RASAL2: variants seen among roughly 807,000 people sequenced by gnomAD.
RASAL2 encodes RAS protein activator like 2, also known as ras GTPase-activating protein nGAP.
In RASAL2, 58 loss-of-function variants were observed where a neutral mutation model predicts 128.9. The ratio of observed to expected loss-of-function variants is 0.45; its 90% CI spans 0.36 to 0.56. The LOEUF (loss-of-function observed/expected upper bound fraction) is 0.56, where lower values mean the gene tolerates loss of function less well. Ranked by LOEUF, RASAL2 falls within the 20% of genes least tolerant of loss-of-function variation. RASAL2 has a pLI of 0.00. For missense variants in RASAL2, 1,360 were observed against 1,601.6 expected, an observed-to-expected ratio of 0.85 and a Z score of 2.57; for synonymous variants, 561 against 580.8, an observed-to-expected ratio of 0.97 and a Z score of 0.49.
intron 4 of RASAL2, among the ~76,000 whole-genome samples, chr1:178,395,929 C>CT (rs1410421987): frequency 1.3e-5 from 2 of 151,268 alleles, no homozygotes; most frequent in East Asian, 3.9e-4. Context: ...TTAACTATAT[C>CT]TTTAAGTCAT....
intron 1 of RASAL2, among the ~76,000 whole-genome samples, chr1:178,144,611 A>G (rs1169039941): frequency 1.3e-5 from 2 of 152,106 alleles, no homozygotes; most frequent in Non-Finnish European, 2.9e-5. Context: ...TTATTTAAGT[A>G]TTTTTGACAT....
At chr1:178,385,095 T>C (rs1355831906) in intron 3 of RASAL2, among the ~76,000 whole-genome samples, 2 of 152,220 alleles carry the variant, frequency 1.3e-5, no homozygotes, top group Non-Finnish European at 1.5e-5. Context: ...TTCACTTTAC[T>C]CTCTTTCCAA....
chr1:178,103,175 C>T (rs1658967642), intron 1 of RASAL2, among the ~76,000 whole-genome samples: 1 of 152,036 alleles, frequency 6.6e-6, no homozygotes, highest in African/African-American at 2.4e-5. Context: ...GAGATTGCTT[C>T]TTCTTTCTTC....
chr1:178,346,844 T>C (rs1670182373), intron 3 of RASAL2, among the ~76,000 whole-genome samples: 2 of 152,190 alleles, frequency 1.3e-5, no homozygotes, highest in South Asian at 4.1e-4. Flanking sequence ...GTCTCCCTTG[T>C]AAACATTTTT....
At chr1:178,442,140 C>A (rs1262438790) in intron 7 of RASAL2, among the ~76,000 whole-genome samples, 1 of 152,076 alleles carries the variant, frequency 6.6e-6, no homozygotes, top group East Asian at 1.9e-4. Flanking sequence ...CCCACCAGGC[C>A]CCACCTCTAG....
Position 178,225,785 on chromosome 1 carries a change from T to C in RASAL2, c.203-57779T>C, listed in dbSNP as rs555509142. 2.0e-5 allele frequency among the ~76,000 whole-genome samples: 3 copies of C among 151,328 alleles called. 1 individual carries two copies. Among genetic ancestry groups the C allele is most frequent in the South Asian group, 4.2e-4 (2 of 4,800 alleles). On this transcript the variant is annotated intron_variant, in intron 1 of 17. Coordinates refer to ENST00000367649, the MANE Select transcript of RASAL2 (RefSeq NM_170692.4). ...CATACATATATATATATATATATCC[T>C]GTATATATGTATATGCTAACTCATA...
chr1:178,430,529 A>C (rs1675814841), intron 5 of RASAL2, among the ~76,000 whole-genome samples: 1 of 152,108 alleles, frequency 6.6e-6, no homozygotes, highest in Non-Finnish European at 1.5e-5. Context: ...AAATGAACTA[A>C]TGCATGTCAT....
intron 1 of RASAL2, among the ~76,000 whole-genome samples, chr1:178,118,133 A>T (rs1659579895): frequency 6.6e-6 from 1 of 151,740 alleles, no homozygotes; most frequent in Non-Finnish European, 1.5e-5. Flanking sequence ...ATTGCACTCC[A>T]GCCTGAGCAG....
intron 1 of RASAL2, among the ~76,000 whole-genome samples, chr1:178,254,511 A>C (rs922196095): frequency 2.0e-5 from 3 of 152,218 alleles, no homozygotes; most frequent in Admixed American, 2.0e-4. Context: ...GCATACAATA[A>C]ATGAAGAAAA....
At chr1:178,278,752 C>T (rs937592533) in intron 1 of RASAL2, among the ~76,000 whole-genome samples, 5 of 152,136 alleles carry the variant, frequency 3.3e-5, no homozygotes, top group Non-Finnish European at 7.3e-5. Flanking sequence ...ATTTTTGAGG[C>T]ACTTTTCCTA....
At chr1:178,266,437 T>A (rs1371160328) in intron 1 of RASAL2, among the ~76,000 whole-genome samples, 1 of 152,212 alleles carries the variant, frequency 6.6e-6, no homozygotes, top group African/African-American at 2.4e-5. Flanking sequence ...CCCTTGTTTC[T>A]TTTTTCTCAT....
chr1:178,372,215 G>C, intron 3 of RASAL2: 1 of 985,270 alleles, frequency 1.0e-6, no homozygotes. Flanking sequence ...ATTGTGCTCT[G>C]TATGGAAAAG....
At chr1:178,430,547 C>CA (rs1341941805) in intron 5 of RASAL2, among the ~76,000 whole-genome samples, 3 of 151,876 alleles carry the variant, frequency 2.0e-5, no homozygotes, top group Non-Finnish European at 4.4e-5. Flanking sequence ...CATATCACTG[C>CA]AAAAAAAGCT....
chr1:178,404,357 T>C (rs751890546), intron 4 of RASAL2, among the ~76,000 whole-genome samples: 2 of 148,372 alleles, frequency 1.3e-5, no homozygotes, highest in Non-Finnish European at 2.9e-5. Flanking sequence ...AATTCACTTA[T>C]AATCAGACAA....
At chr1:178,187,269 A>G (rs945558868) in intron 1 of RASAL2, among the ~76,000 whole-genome samples, 8 of 151,912 alleles carry the variant, frequency 5.3e-5, no homozygotes, top group Admixed American at 3.3e-4. Context: ...TTAGATTGCC[A>G]TATCTTATTG....
At chr1:178,195,996 G>C (rs557674768) in intron 1 of RASAL2, among the ~76,000 whole-genome samples, 1 of 151,960 alleles carries the variant, frequency 6.6e-6, no homozygotes, top group East Asian at 1.9e-4. Context: ...ACTATCCCAA[G>C]ACCAGACATG....
chr1:178,471,619 C>CT lies in RASAL2; in HGVS notation c.3679-1447dup, dbSNP rs531647737. Among the ~76,000 whole-genome samples, 486 of 151,164 alleles carry CT rather than the reference C, an allele frequency of 3.2e-3. 2 individuals carry two copies. Among genetic ancestry groups the CT allele is most frequent in the African/African-American group, 0.011 (460 of 41,204 alleles). Reference sequence around the variant, plus strand: ...AGCAAGAGCTAGTTTGTTGTTGTTTCTTTTTTTTTAATATACTTTTGAAAC... The same window carrying CT: ...AGCAAGAGCTAGTTTGTTGTTGTTTCTTTTTTTTTTAATATACTTTTGAAAC... On this transcript the variant is annotated intron_variant, in intron 17 of 17. Transcript: ENST00000367649.
At chr1:178,424,122 T>C (rs1675344924) in intron 5 of RASAL2, among the ~76,000 whole-genome samples, 1 of 152,190 alleles carries the variant, frequency 6.6e-6, no homozygotes, top group Non-Finnish European at 1.5e-5. Flanking sequence ...TTACTTTATT[T>C]TTCCCTTCTT....
At chr1:178,324,769 G>A (rs1668956811) in intron 3 of RASAL2, among the ~76,000 whole-genome samples, 1 of 152,070 alleles carries the variant, frequency 6.6e-6, no homozygotes, top group Non-Finnish European at 1.5e-5. Flanking sequence ...TGGCTATGCT[G>A]TTTACCAAAG....
Sources: gnomAD v4.1 joint callset for allele counts (sites outside exome capture counted in the v4.1 genomes callset) on GRCh38, gnomAD v4.1.1 for gene constraint, MANE v1.5 for transcripts, NCBI Gene and HGNC (gene_info 2026-07-23, HGNC 2026-07-21) for gene names.